CAPS2: variants seen among roughly 807,000 people sequenced by gnomAD.
The protein encoded by CAPS2 is calcyphosin-2.
CAPS2 carries 98 observed loss-of-function variants against 86.5 expected under a neutral mutation model. The observed-to-expected ratio is 1.13, with a 90% CI of 0.96 to 1.34. CAPS2 has a LOEUF of 1.34. Ranked by LOEUF, CAPS2 falls within the 40% of genes most tolerant of loss-of-function variation. The probability of loss-of-function intolerance (pLI) is 0.00; values close to 1 mark genes in which losing one functional copy is unlikely to be tolerated. For synonymous variants in CAPS2, 210 were observed against 225.1 expected (o/e 0.93, Z 0.60); for missense variants, 729 against 686.8 (o/e 1.06, Z -0.69).
upstream of CAPS2, chr12:75,335,019 TAAAAAG>T: frequency 1.0e-6 from 1 of 983,736 alleles, no homozygotes; most frequent in South Asian, 1.8e-5. Context: ...TATATGCAGT[TAAAAAG>T]AAAAAAATTC....
At chr12:75,283,175 T>C (rs1043324683) in intron 15 of CAPS2, among the ~76,000 whole-genome samples, 3 of 152,220 alleles carry the variant, frequency 2.0e-5, no homozygotes, top group Non-Finnish European at 4.4e-5. Flanking sequence ...AGTTGTGCTA[T>C]TGTTCCTCTA....
At chr12:75,305,744 CAGA>C (rs1325729146) in intron 7 of CAPS2, 14 of 703,654 alleles carry the variant, frequency 2.0e-5, no homozygotes, top group South Asian at 4.1e-5. Flanking sequence ...GGTCAAGGAC[CAGA>C]AGAAGATGAT....
At chr12:75,319,920 A>G (rs559600012) in intron 5 of CAPS2, among the ~76,000 whole-genome samples, 7 of 152,252 alleles carry the variant, frequency 4.6e-5, no homozygotes, top group African/African-American at 1.7e-4. Context: ...GATTCTCATA[A>G]TGGTATACAT....
At chr12:75,276,625 T>G, downstream of CAPS2, 4 of 865,206 alleles carry the variant, frequency 4.6e-6, no homozygotes, top group Non-Finnish European at 5.5e-6. Context: ...AATTCCTATA[T>G]AATATACCTT....
intron 1 of CAPS2, chr12:75,366,973 C>CTTGCAGT (rs1566012335): frequency 1.4e-6 from 1 of 701,750 alleles, no homozygotes; most frequent in Middle Eastern, 2.3e-4. Context: ...CAGCTTGCAG[C>CTTGCAGT]TTGCAGTAAC....
At chr12:75,306,386 G>T in intron 7 of CAPS2, 7 of 390,378 alleles carry the variant, frequency 1.8e-5, no homozygotes, top group Non-Finnish European at 3.4e-5. Context: ...CCGGTGAATG[G>T]TTTCTGACCC....
intron 1 of CAPS2, among the ~76,000 whole-genome samples, chr12:75,363,557 C>T (rs1033010194): frequency 7.2e-5 from 11 of 151,962 alleles, no homozygotes; most frequent in African/African-American, 2.4e-4. Flanking sequence ...AGTCAATGTC[C>T]AAAGTAATTA....
At chr12:75,304,901 A>G (rs769499853) in intron 7 of CAPS2, 25 bp from the exon 8 acceptor site, 2 of 1,600,238 alleles carry the variant, frequency 1.2e-6, no homozygotes, top group South Asian at 1.1e-5. Flanking sequence ...AAAAAGTCCA[A>G]CAATTAAATA....
chr12:75,298,963 A>G (rs368794194), exon 10 of CAPS2: 43 of 1,574,028 alleles, frequency 2.7e-5, no homozygotes, highest in Non-Finnish European at 6.9e-6. Context: ...CATCACGTCC[A>G]TTACTGGAAA....
At chr12:75,349,142 C>T (rs1162602223) in intron 1 of CAPS2, among the ~76,000 whole-genome samples, 1 of 152,084 alleles carries the variant, frequency 6.6e-6, no homozygotes, top group East Asian at 1.9e-4. Flanking sequence ...CGTGAGGAAA[C>T]AACTTCAGGC....
intron 14 of CAPS2, among the ~76,000 whole-genome samples, chr12:75,285,483 T>C (rs2034712549): frequency 6.6e-6 from 1 of 151,964 alleles, no homozygotes; most frequent in African/African-American, 2.4e-5. Flanking sequence ...ATCCTCCCTT[T>C]TAGGTATTTT....
intron 16 of CAPS2, 50 bp downstream of exon 16, chr12:75,282,201 T>C (rs1269148098): frequency 1.0e-6 from 1 of 975,272 alleles, no homozygotes; most frequent in Non-Finnish European, 1.7e-6. Context: ...ATATTATCTT[T>C]ATTAAGTAAC....
chr12:75,323,223 C>A lies in CAPS2; in HGVS notation c.132-1G>T, dbSNP rs554343529. The A allele has an allele frequency of 1.9e-6, 3 of 1,542,784 alleles. No individual in the cohort carries two copies. Among genetic ancestry groups the A allele is most frequent in the African/African-American group, 2.7e-5 (2 of 72,902 alleles). On this transcript the variant is annotated splice_acceptor_variant, in intron 2 of 16. Coordinates refer to ENST00000393284, the Ensembl canonical transcript of CAPS2. LOFTEE classifies it high-confidence loss of function. ...GCTTCCCAAATCAAGTCGTGGGACC[C>A]TGAAAGACATAATCTATGTATCCCG...
intron 8 of CAPS2, among the ~76,000 whole-genome samples, chr12:75,300,554 T>TA (rs2037673202): frequency 8.1e-5 from 2 of 24,752 alleles, no homozygotes; most frequent in African/African-American, 1.8e-4. Flanking sequence ...AGACTCCGTC[T>TA]CAAAAAAAAA....
intron 1 of CAPS2, among the ~76,000 whole-genome samples, chr12:75,356,728 G>A (rs1056211861): frequency 2.0e-5 from 3 of 152,048 alleles, no homozygotes; most frequent in Non-Finnish European, 4.4e-5. Flanking sequence ...TGGTATAAAT[G>A]CCCCAAACTA....
At position 75,305,328 on chromosome 12, in the gene CAPS2, G is replaced by A. The variant is rs923725212; in HGVS notation, c.660-452C>T. 71 of 282,378 alleles carry A rather than the reference G, an allele frequency of 2.5e-4. 1 individual carries two copies. The South Asian group carries it at 3.5e-3, about 14-fold the overall frequency. 17.5% of individuals were successfully genotyped at this position (282,378 alleles called of 1,614,324 possible). A position where few individuals can be genotyped will look rare whatever the true frequency, so the allele number is the denominator to read the frequency against. ...TTATGAAAGGCATCCTAGAAGAGGA[G>A]ATATTTGCACTGATTCTTAAAAGGT... On this transcript the variant is annotated intron_variant, in intron 7 of 16. Transcript: ENST00000393284.
intron 14 of CAPS2, among the ~76,000 whole-genome samples, chr12:75,288,659 G>A (rs1209980556): frequency 3.9e-5 from 6 of 152,170 alleles, no homozygotes; most frequent in Non-Finnish European, 7.3e-5. Flanking sequence ...AGCATGACAT[G>A]CAAGACTTTA....
At chr12:75,335,861 T>C (rs1322407436) in intron 1 of CAPS2, among the ~76,000 whole-genome samples, 1 of 152,016 alleles carries the variant, frequency 6.6e-6, no homozygotes, top group African/African-American at 2.4e-5. Context: ...TCAACGGAAT[T>C]CAGAAATACT....
At chr12:75,334,786 A>C, upstream of CAPS2, 1 of 1,614,146 alleles carries the variant, frequency 6.2e-7, no homozygotes, top group South Asian at 1.1e-5. Flanking sequence ...TTTGGTAGCC[A>C]CTACATCTTC....
Sources: gnomAD v4.1 joint callset for allele counts (sites outside exome capture counted in the v4.1 genomes callset) on GRCh38, gnomAD v4.1.1 for gene constraint, MANE v1.5 for transcripts, NCBI Gene and HGNC (gene_info 2026-07-23, HGNC 2026-07-21) for gene names.